The following LDHAL6A variants were observed in gnomAD, a reference collection of about 807,000 sequenced individuals.
LDHAL6A encodes lactate dehydrogenase A like 6A, also known as L-lactate dehydrogenase A-like 6A.
LDHAL6A carries 19 observed loss-of-function variants against 28.2 expected under a neutral mutation model. The ratio of observed to expected loss-of-function variants is 0.67; its 90% CI spans 0.47 to 0.99. LDHAL6A has a LOEUF of 0.99. LDHAL6A is among the 50% of genes least tolerant of loss of function. The pLI, the probability that LDHAL6A is intolerant of heterozygous loss-of-function variation, is 0.00. For missense variants in LDHAL6A, 372 were observed against 398.6 expected (o/e 0.93, Z 0.57); for synonymous variants, 144 against 134.4 (o/e 1.07, Z -0.49).
At chr11:18,465,950 A>T in intron 3 of LDHAL6A, 140 bp downstream of exon 3, 1 of 607,742 alleles carries the variant, frequency 1.6e-6, no homozygotes, top group Non-Finnish European at 2.8e-6. Flanking sequence ...AGTACCTAAT[A>T]GTTTTTCAGC....
At chr11:18,464,977 G>GTTTTTTGTTTTT (rs1849015131) in intron 2 of LDHAL6A, among the ~76,000 whole-genome samples, 3 of 125,490 alleles carry the variant, frequency 2.4e-5, no homozygotes, top group African/African-American at 6.7e-5. Context: ...TGTTTTTTTT[G>GTTTTTTGTTTTT]TTTTTTTTTG....
At chr11:18,478,584 G>C in intron 6 of LDHAL6A, 122 bp from the exon 7 acceptor site, 2 of 767,520 alleles carry the variant, frequency 2.6e-6, no homozygotes, top group South Asian at 3.4e-5. Flanking sequence ...AAAGTTCTCT[G>C]CCTTGGTACT....
At chr11:18,458,327 G>A (rs189598357) in intron 1 of LDHAL6A, among the ~76,000 whole-genome samples, 14 of 152,308 alleles carry the variant, frequency 9.2e-5, no homozygotes, top group African/African-American at 1.2e-4. Context: ...GGGCATGTAA[G>A]AGCATCTGTA....
At chr11:18,467,851 G>GTC (rs1565070630) in intron 3 of LDHAL6A, among the ~76,000 whole-genome samples, 1 of 105,254 alleles carries the variant, frequency 9.5e-6, no homozygotes, top group Non-Finnish European at 1.8e-5. Context: ...GGGCAAGACT[G>GTC]TCTCAAAAAA....
chr11:18,462,505 C>T (rs191265827), intron 1 of LDHAL6A, among the ~76,000 whole-genome samples: 3,485 of 151,700 alleles, frequency 0.023, 90 homozygotes, highest in African/African-American at 0.066. Flanking sequence ...GGTGTGGTGG[C>T]GGGCGCCTGT....
intron 3 of LDHAL6A, among the ~76,000 whole-genome samples, chr11:18,471,762 TAA>T (rs755779286): frequency 1.8e-4 from 22 of 118,982 alleles, no homozygotes; most frequent in Non-Finnish European, 2.8e-4. Flanking sequence ...CTGTCTCTAT[TAA>T]AAAAAAAAAA....
chr11:18,461,205 C>T (rs912465221), intron 1 of LDHAL6A, among the ~76,000 whole-genome samples: 4 of 150,452 alleles, frequency 2.7e-5, no homozygotes, highest in South Asian at 2.1e-4. Context: ...AGTGCAGTGG[C>T]GCGATCATGG....
chr11:18,464,977 G>GTTTTTTGTTTTTT (rs1849015131), intron 2 of LDHAL6A, among the ~76,000 whole-genome samples: 1 of 125,490 alleles, frequency 8.0e-6, no homozygotes, highest in African/African-American at 3.4e-5. Flanking sequence ...TGTTTTTTTT[G>GTTTTTTGTTTTTT]TTTTTTTTTG....
chr11:18,469,702 T>C (rs867660841), intron 3 of LDHAL6A, among the ~76,000 whole-genome samples: 1 of 152,234 alleles, frequency 6.6e-6, no homozygotes, highest in African/African-American at 2.4e-5. Flanking sequence ...TATTCTGATA[T>C]TAGAACCATG....
intron 4 of LDHAL6A, among the ~76,000 whole-genome samples, chr11:18,476,156 A>G (rs576074780): frequency 6.6e-6 from 1 of 152,316 alleles, no homozygotes; most frequent in Admixed American, 6.5e-5. Flanking sequence ...TCCTAGTGGA[A>G]AGTTTAAAAC....
At chr11:18,469,121 A>G in intron 3 of LDHAL6A, 1 of 512,434 alleles carries the variant, frequency 2.0e-6, no homozygotes, top group Non-Finnish European at 3.4e-6. Context: ...TCATTTTTGA[A>G]AGGAGAGCTG....
intron 1 of LDHAL6A, among the ~76,000 whole-genome samples, chr11:18,462,651 C>A (rs369138544): frequency 0.17 from 9,079 of 53,802 alleles, 634 homozygotes; most frequent in Middle Eastern, 0.21. Flanking sequence ...AACAAACAAA[C>A]AAACAAAAAA....
At chr11:18,469,210 C>T (rs1590255805) in intron 3 of LDHAL6A, 1 of 638,208 alleles carries the variant, frequency 1.6e-6, no homozygotes, top group East Asian at 3.0e-5. Context: ...CCGTTCAGGG[C>T]ACTGAAGTCT....
intron 3 of LDHAL6A, chr11:18,468,189 G>C (rs1483992570): frequency 1.3e-5 from 2 of 149,556 alleles, no homozygotes; most frequent in African/African-American, 4.9e-5. Context: ...ATTCATTTTG[G>C]TTCTTTTGTA....
At chr11:18,475,308 A>G in intron 3 of LDHAL6A, 158 bp from the exon 4 acceptor site, 1 of 581,828 alleles carries the variant, frequency 1.7e-6, no homozygotes, top group Non-Finnish European at 3.1e-6. Context: ...TATTTGGTAG[A>G]TATTCTTAAG....
chr11:18,467,336 G>T (rs890349013), intron 3 of LDHAL6A, among the ~76,000 whole-genome samples: 1 of 152,152 alleles, frequency 6.6e-6, no homozygotes, highest in Non-Finnish European at 1.5e-5. Context: ...TCCAGCTTCT[G>T]TCCCTGTGCC....
intron 3 of LDHAL6A, among the ~76,000 whole-genome samples, chr11:18,472,738 T>C (rs923842011): frequency 3.3e-5 from 5 of 152,230 alleles, no homozygotes; most frequent in Admixed American, 6.5e-5. Context: ...TAAAATACTA[T>C]TCTAATCATC....
At chr11:18,469,451 T>C (rs1282972902) in intron 3 of LDHAL6A, among the ~76,000 whole-genome samples, 2 of 152,238 alleles carry the variant, frequency 1.3e-5, no homozygotes, top group African/African-American at 4.8e-5. Flanking sequence ...CTATGCATTA[T>C]GGCAGAAGTC....
At chr11:18,463,927 C>T in intron 1 of LDHAL6A, 34 bp from the exon 2 acceptor site, 1 of 1,327,346 alleles carries the variant, frequency 7.5e-7, no homozygotes, top group South Asian at 1.2e-5. Flanking sequence ...TCAAGAGATA[C>T]ACTCACACCC....
Sources: gnomAD v4.1 joint callset for allele counts (sites outside exome capture counted in the v4.1 genomes callset) on GRCh38, gnomAD v4.1.1 for gene constraint, MANE v1.5 for transcripts, NCBI Gene and HGNC (gene_info 2026-07-23, HGNC 2026-07-21) for gene names.